PCID2: variants seen among roughly 807,000 people sequenced by gnomAD.
PCID2 encodes PCI domain containing 2, also known as PCI domain-containing protein 2.
PCID2 carries 41 observed loss-of-function variants against 61.3 expected under a neutral mutation model. The observed-to-expected ratio is 0.67, with a 90% CI of 0.52 to 0.87. The LOEUF is 0.87. Ranked by LOEUF, PCID2 falls within the 40% of genes least tolerant of loss-of-function variation. The pLI, the probability that PCID2 is intolerant of heterozygous loss-of-function variation, is 0.00. For synonymous variants in PCID2, 187 were observed against 177.8 expected, an observed-to-expected ratio of 1.05 and a Z score of -0.41; for missense variants, 392 against 493.4, an observed-to-expected ratio of 0.79 and a Z score of 1.95.
intron 7 of PCID2, among the ~76,000 whole-genome samples, chr13:113,190,356 A>G (rs866461759): frequency 6.6e-6 from 1 of 152,322 alleles, no homozygotes; most frequent in East Asian, 1.9e-4. Context: ...AGGACTCATC[A>G]GAAGCAAAGG....
chr13:113,181,683 A>G (rs1022955586), intron 9 of PCID2, among the ~76,000 whole-genome samples: 1 of 152,240 alleles, frequency 6.6e-6, no homozygotes, highest in African/African-American at 2.4e-5. Context: ...TTAACATATA[A>G]TTAGTGATCA....
intron 6 of PCID2, among the ~76,000 whole-genome samples, chr13:113,191,952 T>C (rs957513617): frequency 6.6e-6 from 1 of 152,198 alleles, no homozygotes; most frequent in Admixed American, 6.5e-5. Flanking sequence ...AAAATTAGTT[T>C]CCTTTAAAAA....
the PCID2 span, chr13:113,170,582 C>T: frequency 1.8e-6 from 2 of 1,084,360 alleles, no homozygotes; most frequent in African/African-American, 3.1e-5. Context: ...ATACACTATC[C>T]TATGTAAGAA....
At chr13:113,172,068 C>T in the PCID2 span, 1 of 1,613,014 alleles carries the variant, frequency 6.2e-7, no homozygotes, top group Admixed American at 1.7e-5. Flanking sequence ...ACCAAGGTCT[C>T]CAGGTACTCA....
the PCID2 span, among the ~76,000 whole-genome samples, chr13:113,167,028 T>C: frequency 6.6e-6 from 1 of 152,272 alleles, no homozygotes; most frequent in Non-Finnish European, 1.5e-5. Flanking sequence ...TTCAGTATTA[T>C]AAATTGTTCT....
intron 1 of PCID2, among the ~76,000 whole-genome samples, chr13:113,206,332 T>C (rs1356012271): frequency 6.6e-6 from 1 of 152,200 alleles, no homozygotes; most frequent in Non-Finnish European, 1.5e-5. Context: ...GTCTATGGTC[T>C]CTTTGCTGTG....
chr13:113,207,949 G>T, intron 1 of PCID2: 1 of 1,277,548 alleles, frequency 7.8e-7, no homozygotes, highest in Non-Finnish European at 1.1e-6. Flanking sequence ...TCTGAAGACA[G>T]GCATAGTTTA....
At chr13:113,198,619 C>T (rs556191428) in intron 2 of PCID2, among the ~76,000 whole-genome samples, 19 of 152,266 alleles carry the variant, frequency 1.2e-4, no homozygotes, top group African/African-American at 3.1e-4. Context: ...GCATGAGAAT[C>T]GCTTGAACAT....
the PCID2 span, among the ~76,000 whole-genome samples, chr13:113,166,788 T>C: frequency 1.3e-5 from 2 of 152,198 alleles, no homozygotes; most frequent in Admixed American, 1.3e-4. Flanking sequence ...CAGAGTGCAG[T>C]GGTCCTCCAT....
At chr13:113,177,295 G>T (rs187140983), downstream of PCID2, among the ~76,000 whole-genome samples, 251 of 152,128 alleles carry the variant, frequency 1.6e-3, 1 homozygote, top group African/African-American at 5.9e-3. Flanking sequence ...GCGCCACCAC[G>T]CCCGGCTAAT....
intron 7 of PCID2, 127 bp downstream of exon 7, chr13:113,190,745 T>C (rs556990): frequency 0.74 from 348,668 of 474,358 alleles, 130,678 homozygotes; most frequent in Middle Eastern, 0.81. Flanking sequence ...ATAACAATGG[T>C]TGTGGGATTA....
chr13:113,201,700 T>C (rs1393070885), intron 1 of PCID2, among the ~76,000 whole-genome samples: 3 of 150,784 alleles, frequency 2.0e-5, no homozygotes, highest in African/African-American at 7.3e-5. Flanking sequence ...TAGTCCCAGG[T>C]ACTCGGGAGG....
intron 1 of PCID2, chr13:113,208,221 C>T (rs2040077427): frequency 1.6e-5 from 25 of 1,516,398 alleles, no homozygotes; most frequent in Non-Finnish European, 2.1e-5. Flanking sequence ...TGGGAAACAG[C>T]GTCCATCCGA....
At chr13:113,178,942 A>T (rs1443307679) in intron 13 of PCID2, 24 bp downstream of exon 13, 1 of 1,602,614 alleles carries the variant, frequency 6.2e-7, no homozygotes, top group African/African-American at 1.3e-5. Context: ...GTAGCTGCTT[A>T]AATTAAAACC....
chr13:113,165,278 T>C, the PCID2 span: 36 of 736,590 alleles, frequency 4.9e-5, no homozygotes, highest in Admixed American at 3.6e-4. Flanking sequence ...CTTCCAACCA[T>C]GTTCTAATGC....
chr13:113,189,140 C>G (rs1371954629), intron 7 of PCID2, among the ~76,000 whole-genome samples: 23 of 152,010 alleles, frequency 1.5e-4, no homozygotes, highest in Admixed American at 1.5e-3. Context: ...TGTGGAAGAG[C>G]CTGGCGCCTC....
rs9549355 is a variant in PCID2, at chr13:113,194,622, C to T, written c.363+449G>A. Among the ~76,000 whole-genome samples, 8 of 152,162 alleles carry T rather than the reference C, an allele frequency of 5.3e-5. No homozygotes were observed. In the South Asian group the frequency reaches 6.2e-4, roughly 12 times the overall value. On this transcript the variant is annotated intron_variant, in intron 6 of 13. Coordinates refer to ENST00000337344, the MANE Select transcript of PCID2 (RefSeq NM_001127202.4). ...AATGCTGCTCCATAATGGGGACTTCCGTGGGTCCCCATGGGGACGTCGCCT... is the reference window on the plus strand; with the variant it reads ...AATGCTGCTCCATAATGGGGACTTCTGTGGGTCCCCATGGGGACGTCGCCT...
At position 113,178,178 on chromosome 13, in the gene PCID2, C is replaced by T. The variant is rs756287458; in HGVS notation, c.*20G>A. The T allele has an allele frequency of 6.3e-7, 1 of 1,592,684 alleles. No homozygotes were observed. The highest frequency in any genetic ancestry group is 8.6e-7 in the Non-Finnish European group (1 of 1,161,004). ...TGGAAAGAAACAACTGCTCACCCGT[C>T]CTCGGGGCTCCGTGTACTTTCAACA... On this transcript the variant is annotated 3_prime_UTR_variant, in exon 14 of 14. Coordinates refer to ENST00000337344, the MANE Select transcript of PCID2 (RefSeq NM_001127202.4).
At chr13:113,182,407 G>A (rs900873832) in intron 9 of PCID2, among the ~76,000 whole-genome samples, 4 of 152,174 alleles carry the variant, frequency 2.6e-5, no homozygotes, top group African/African-American at 9.7e-5. Flanking sequence ...CCCACCAGCT[G>A]CCAGTTTGAC....
Sources: allele counts gnomAD v4.1 joint callset (sites outside exome capture counted in the v4.1 genomes callset), GRCh38; gene constraint gnomAD v4.1.1; transcripts MANE v1.5; gene names NCBI Gene and HGNC (gene_info 2026-07-23, HGNC 2026-07-21).